SORCS1: variants seen among roughly 807,000 people sequenced by gnomAD.
SORCS1 encodes sortilin related VPS10 domain containing receptor 1.
A neutral mutation model predicts 146.1 loss-of-function variants in SORCS1; 60 were observed. The ratio of observed to expected loss-of-function variants is 0.41; its 90% CI spans 0.33 to 0.51. The LOEUF is 0.51. Ranked by LOEUF, SORCS1 falls within the 20% of genes least tolerant of loss-of-function variation. SORCS1 has a pLI of 0.21. For synonymous variants in SORCS1, 637 were observed against 584.0 expected, an observed-to-expected ratio of 1.09 and a Z score of -1.31; for missense variants, 1,352 against 1,487.6, an observed-to-expected ratio of 0.91 and a Z score of 1.50.
rs1284411471 is a variant in SORCS1 at position 106,672,856 on chromosome 10, T to G, written c.2058+12A>C. 5.0e-6 allele frequency: 8 copies of G among 1,610,548 alleles called. No individual in the cohort carries two copies. The highest frequency in any genetic ancestry group is 5.9e-6 in the Non-Finnish European group (7 of 1,176,932). On this transcript the variant is annotated intron_variant, in intron 15 of 25. Coordinates refer to ENST00000263054, the MANE Select transcript of SORCS1 (RefSeq NM_052918.5). The stretch of plus-strand genomic sequence containing the variant: ...CCTGCCCAGGCCTTAGTCTCAGTTC[T>G]TTTCCTCCTACCTGGCTGTGCAGCT...
Position 106,869,148 on chromosome 10 carries a change from T to C in SORCS1, c.627-39475A>G, listed in dbSNP as rs1401220777. On this transcript the variant is annotated intron_variant, in intron 2 of 25. Transcript: ENST00000263054. ...CTCCTAAGAATGAACCAGAAAGAAA[T>C]TGATTCCCTGAACAGAACAATAACA... 3.9e-5 allele frequency among the ~76,000 whole-genome samples: 6 copies of C among 152,068 alleles called. No homozygotes were observed. In the South Asian group the frequency reaches 6.2e-4, roughly 16 times the overall value.
intron 22 of SORCS1, among the ~76,000 whole-genome samples, chr10:106,607,769 C>CA (rs1846708087): frequency 6.6e-6 from 1 of 152,162 alleles, no homozygotes; most frequent in Admixed American, 6.5e-5. Flanking sequence ...TTAGCCCTTT[C>CA]TAACCTAGCT....
intron 22 of SORCS1, 50 bp from the exon 23 acceptor site, chr10:106,607,347 G>A (rs777122921): frequency 1.1e-5 from 18 of 1,605,666 alleles, no homozygotes; most frequent in Non-Finnish European, 1.4e-5. Context: ...GAAGAAAGCT[G>A]AGAAGGGACC....
intron 3 of SORCS1, among the ~76,000 whole-genome samples, chr10:106,794,720 G>T (rs1946466910): frequency 6.6e-6 from 1 of 152,002 alleles, no homozygotes; most frequent in Admixed American, 6.6e-5. Context: ...AGCCAGGATG[G>T]TCTCGACCTC....
chr10:106,843,460 C>T (rs1022193999), intron 2 of SORCS1, among the ~76,000 whole-genome samples: 3 of 124,916 alleles, frequency 2.4e-5, no homozygotes, highest in Non-Finnish European at 4.7e-5. Context: ...GATGGAGTCT[C>T]GCTCTGTTGC....
At chr10:107,141,578 CT>C (rs1565097390) in intron 1 of SORCS1, among the ~76,000 whole-genome samples, 1 of 152,170 alleles carries the variant, frequency 6.6e-6, no homozygotes, top group African/African-American at 2.4e-5. Context: ...GTTATTATTA[CT>C]GTTCCTAGTC....
At chr10:107,102,005 A>C (rs1964955982) in intron 1 of SORCS1, among the ~76,000 whole-genome samples, 1 of 152,082 alleles carries the variant, frequency 6.6e-6, no homozygotes, top group Non-Finnish European at 1.5e-5. Context: ...TCTATAGAAC[A>C]TTTAGTGTGT....
In SORCS1 at chr10:106,671,304, T is replaced by C. The variant is rs761611850; in HGVS notation, c.2122A>G (p.Met708Val). ...YKKRKSERKCMQGKYAGAMES... is the reference protein window; with the variant it reads ...YKKRKSERKCVQGKYAGAMES... The stretch of plus-strand genomic sequence containing the variant: ...ATAGCTCCTGCATATTTTCCTTGCA[T>C]ACACTTCCGCTCTGATTTTCGCTTC... The change falls in exon 16 of 26, where the codon ATG becomes GTG. Residue 708 changes from methionine to valine, a missense_variant. Transcript: ENST00000263054. 20 of 1,614,038 alleles carry C rather than the reference T, an allele frequency of 1.2e-5. No homozygotes were observed. In the East Asian group the frequency reaches 4.0e-4, roughly 32 times the overall value.
chr10:106,698,698 G>A (rs981004561), intron 9 of SORCS1, among the ~76,000 whole-genome samples: 2 of 152,178 alleles, frequency 1.3e-5, no homozygotes, highest in Admixed American at 6.5e-5. Flanking sequence ...ACAAGCACCT[G>A]TTAATCTTAT....
At chr10:106,647,766 T>C (rs1448670151) in intron 18 of SORCS1, among the ~76,000 whole-genome samples, 1 of 152,200 alleles carries the variant, frequency 6.6e-6, no homozygotes, top group Non-Finnish European at 1.5e-5. Flanking sequence ...TTGGTTTAGA[T>C]AAAGACTTCT....
chr10:107,170,626 C>T, the SORCS1 span, among the ~76,000 whole-genome samples: 3 of 152,214 alleles, frequency 2.0e-5, no homozygotes, highest in Admixed American at 6.5e-5. Flanking sequence ...TGGGACCTCT[C>T]ACTCAGAGCA....
At chr10:106,737,675 A>G (rs1247862077) in intron 5 of SORCS1, among the ~76,000 whole-genome samples, 3 of 152,108 alleles carry the variant, frequency 2.0e-5, no homozygotes, top group Admixed American at 6.5e-5. Flanking sequence ...CAGTGAGCCG[A>G]AATCATGCCA....
At chr10:106,777,147 T>G (rs1413836403) in intron 3 of SORCS1, among the ~76,000 whole-genome samples, 1 of 152,176 alleles carries the variant, frequency 6.6e-6, no homozygotes, top group African/African-American at 2.4e-5. Context: ...AATCTTTTCA[T>G]TCCACTTCAA....
intron 1 of SORCS1, among the ~76,000 whole-genome samples, chr10:107,096,974 A>C (rs1392621431): frequency 6.6e-6 from 1 of 152,146 alleles, no homozygotes; most frequent in East Asian, 1.9e-4. Context: ...AGTTTTCTCC[A>C]ATCTTCAATC....
At chr10:106,976,337 T>TGTTTTG (rs1554901361) in intron 1 of SORCS1, among the ~76,000 whole-genome samples, 1 of 140,450 alleles carries the variant, frequency 7.1e-6, no homozygotes, top group African/African-American at 2.8e-5. Context: ...TTTTTTGTTT[T>TGTTTTG]TTTTTTTTTT....
intron 1 of SORCS1, among the ~76,000 whole-genome samples, chr10:107,025,825 A>G (rs1292979904): frequency 6.6e-6 from 1 of 152,230 alleles, no homozygotes; most frequent in Non-Finnish European, 1.5e-5. Flanking sequence ...AGGAAGGTGC[A>G]TCTGACAACG....
At chr10:107,144,686 C>T (rs1271502380) in intron 1 of SORCS1, among the ~76,000 whole-genome samples, 1 of 152,244 alleles carries the variant, frequency 6.6e-6, no homozygotes, top group Non-Finnish European at 1.5e-5. Flanking sequence ...GCTGAAGAGC[C>T]AGGTTCAGCA....
At chr10:106,789,348 T>TCCCCAGAGAAAAA (rs1671347275) in intron 3 of SORCS1, among the ~76,000 whole-genome samples, 1 of 152,234 alleles carries the variant, frequency 6.6e-6, no homozygotes, top group Admixed American at 6.5e-5. Context: ...CTTGAATTCC[T>TCCCCAGAGAAAAA]CCCCAGAAAA....
At chr10:106,767,915 G>C (rs1859703418) in intron 4 of SORCS1, among the ~76,000 whole-genome samples, 2 of 152,180 alleles carry the variant, frequency 1.3e-5, no homozygotes, top group Admixed American at 1.3e-4. Context: ...AATTGTGCCT[G>C]TTCAAATCTT....
Sources: allele counts gnomAD v4.1 joint callset (sites outside exome capture counted in the v4.1 genomes callset), GRCh38; gene constraint gnomAD v4.1.1; transcripts MANE v1.5; gene names NCBI Gene and HGNC (gene_info 2026-07-23, HGNC 2026-07-21).